Variants in ACTL8 observed in about 807,000 individuals in gnomAD.
ACTL8 encodes actin-like protein 8.
Under a neutral mutation model 9.3 loss-of-function variants are expected in ACTL8, and 3 were observed. The ratio of observed to expected loss-of-function variants is 0.32; its 90% CI spans 0.15 to 0.83. The LOEUF is 0.83. Among genes scored for constraint, ACTL8 ranks in the 40% least tolerant of loss-of-function variants. The pLI is 0.57. For synonymous variants in ACTL8, 224 were observed against 205.9 expected (o/e 1.09, Z -0.75); for missense variants, 381 against 492.2 (o/e 0.77, Z 2.14).
At position 17,823,323 on chromosome 1, in the gene ACTL8, G is replaced by A. The variant is rs377204196; in HGVS notation, c.315G>A (p.Leu105=). 6 of 1,613,704 alleles carry A rather than the reference G, an allele frequency of 3.7e-6. No homozygotes were observed. In the African/African-American group the frequency reaches 4.0e-5, roughly 11 times the overall value. Residue 105 remains leucine, a synonymous_variant, in exon 2 of 3, where the codon TTG becomes TTA. Coordinates refer to ENST00000375406, the MANE Select transcript of ACTL8 (RefSeq NM_030812.3). The surrounding 1 kb of genome is among the most constrained non-coding windows in gnomAD (Gnocchi z 5.3). The stretch of plus-strand genomic sequence containing the variant: ...CTGTGATCATCACGGAGACACCCTT[G>A]AGGGAGCCTGCGGACCGAAAGAAGA... ...VPPVIITETP[L]REPADRKKML...
chr1:17,772,338 A>G (rs1214433013), intron 1 of ACTL8, among the ~76,000 whole-genome samples: 1 of 152,086 alleles, frequency 6.6e-6, no homozygotes, highest in Non-Finnish European at 1.5e-5. Context: ...TGTAAGGCTC[A>G]CCTCACCCCA....
chr1:17,816,144 A>G (rs1460982226), intron 1 of ACTL8, among the ~76,000 whole-genome samples: 1 of 151,558 alleles, frequency 6.6e-6, no homozygotes, highest in Non-Finnish European at 1.5e-5. Context: ...AATGTACAGT[A>G]CTCTGTTACG....
At chr1:17,796,287 G>A (rs946857896) in intron 1 of ACTL8, among the ~76,000 whole-genome samples, 12 of 146,756 alleles carry the variant, frequency 8.2e-5, no homozygotes, top group Non-Finnish European at 1.8e-4. Context: ...GAGGAGGATG[G>A]CTCTGTGCAT....
At chr1:17,803,494 C>T (rs1378139195) in intron 1 of ACTL8, among the ~76,000 whole-genome samples, 2 of 152,152 alleles carry the variant, frequency 1.3e-5, no homozygotes, top group African/African-American at 4.8e-5. Flanking sequence ...CCTTGCCTGG[C>T]TAATTTTTGT....
chr1:17,822,585 C>T (rs995356238), intron 1 of ACTL8, among the ~76,000 whole-genome samples: 1 of 152,194 alleles, frequency 6.6e-6, no homozygotes, highest in African/African-American at 2.4e-5. Flanking sequence ...TCCTTGTGCC[C>T]TCTAATCAGG....
At position 17,823,210 on chromosome 1, in the gene ACTL8, G is replaced by A. The variant is rs142436980; in HGVS notation, c.202G>A (p.Glu68Lys). The change falls in exon 2 of 3, where the codon GAG becomes AAG. Residue 68 changes from glutamate (E) to lysine (K), a missense_variant. Coordinates refer to ENST00000375406, the MANE Select transcript of ACTL8 (RefSeq NM_030812.3). The surrounding 1 kb of genome is among the most constrained non-coding windows in gnomAD (Gnocchi z 5.3). ...TCCTGACACCTTTAGCTACCCCATC[G>A]AGCGGGGCCGCATCCTCAACTGGGA... ...CHPDTFSYPI[E>K]RGRILNWEGV... 2.5e-6 allele frequency: 4 copies of A among 1,614,036 alleles called. No individual in the cohort carries two copies. Among genetic ancestry groups the A allele is most frequent in the African/African-American group, 2.7e-5 (2 of 74,918 alleles).
intron 1 of ACTL8, among the ~76,000 whole-genome samples, chr1:17,781,428 G>A (rs780222438): frequency 2.6e-5 from 4 of 151,820 alleles, no homozygotes; most frequent in Admixed American, 6.6e-5. Flanking sequence ...TAGTAGAGAC[G>A]TGGTTTTGCC....
intron 1 of ACTL8, among the ~76,000 whole-genome samples, chr1:17,821,420 T>G (rs945448581): frequency 2.0e-5 from 3 of 152,338 alleles, no homozygotes; most frequent in Middle Eastern, 3.4e-3. Flanking sequence ...CTGTGATCCA[T>G]TTTAAGTTAA....
At chr1:17,801,870 T>G (rs2066325074) in intron 1 of ACTL8, among the ~76,000 whole-genome samples, 1 of 152,240 alleles carries the variant, frequency 6.6e-6, no homozygotes, top group Admixed American at 6.5e-5. Context: ...GGTGTCCATC[T>G]AGTTACCAGC....
intron 1 of ACTL8, among the ~76,000 whole-genome samples, chr1:17,776,081 G>T (rs1399068123): frequency 6.6e-6 from 1 of 152,190 alleles, no homozygotes; most frequent in Non-Finnish European, 1.5e-5. Context: ...GACAGGATTT[G>T]TCCCCCTTAG....
intron 1 of ACTL8, among the ~76,000 whole-genome samples, chr1:17,775,255 A>G (rs866159700): frequency 4.1e-4 from 62 of 152,198 alleles, no homozygotes; most frequent in Non-Finnish European, 8.5e-4. Context: ...TTTGGAGCCC[A>G]GGGGTCCAGC....
chr1:17,762,749 T>C (rs1381183353), intron 1 of ACTL8, among the ~76,000 whole-genome samples: 1 of 152,076 alleles, frequency 6.6e-6, no homozygotes, highest in Non-Finnish European at 1.5e-5. Context: ...GTGGGTGGTC[T>C]TCTCCTTGGT....
At chr1:17,768,463 T>C (rs1021741187) in intron 1 of ACTL8, among the ~76,000 whole-genome samples, 1 of 126,962 alleles carries the variant, frequency 7.9e-6, no homozygotes, top group Non-Finnish European at 1.8e-5. Context: ...GGCTGGGCAC[T>C]TGGCTGCTAC....
rs1048093758 is a variant in ACTL8, at chr1:17,767,233, G to T, written c.-25+11729G>T. Among the ~76,000 whole-genome samples, 1 of 152,132 alleles carries T rather than the reference G, an allele frequency of 6.6e-6. No individual in the cohort carries two copies. The highest frequency in any genetic ancestry group is 1.5e-5 in the Non-Finnish European group (1 of 68,030). ...GCCTGCTCTGGAAACAGTGAGGAGG[G>T]CATCAGGAGGTGAGGTCAGAACGGT... On this transcript the variant is annotated intron_variant, in intron 1 of 2. Coordinates refer to ENST00000375406, the MANE Select transcript of ACTL8 (RefSeq NM_030812.3). The surrounding 1 kb of genome is among the most constrained non-coding windows in gnomAD (Gnocchi z 4.7).
intron 1 of ACTL8, among the ~76,000 whole-genome samples, chr1:17,798,855 TAAGC>T (rs2066297811): frequency 6.6e-6 from 1 of 152,198 alleles, no homozygotes; most frequent in African/African-American, 2.4e-5. Context: ...CCGTGTAAAA[TAAGC>T]AGGCGTTTGC....
rs556093073 is a variant in ACTL8, at chr1:17,788,622, G to A, written c.-25+33118G>A. Among the ~76,000 whole-genome samples the A allele has an allele frequency of 3.3e-5, 5 of 152,372 alleles. No individual in the cohort carries two copies. The South Asian group carries it at 8.3e-4, about 25-fold the overall frequency. ...GGTGCAGAGGAGGAGGGTGGTATGA[G>A]AGAATTCCTGGAGGAAGAAACAGCA... On this transcript the variant is annotated intron_variant, in intron 1 of 2. Coordinates refer to ENST00000375406, the MANE Select transcript of ACTL8 (RefSeq NM_030812.3).
At chr1:17,803,485 C>T (rs1186489790) in intron 1 of ACTL8, among the ~76,000 whole-genome samples, 7 of 152,194 alleles carry the variant, frequency 4.6e-5, no homozygotes, top group Non-Finnish European at 1.0e-4. Context: ...TGCCTGCCAC[C>T]TTGCCTGGCT....
At chr1:17,780,007 G>A (rs2066144158) in intron 1 of ACTL8, among the ~76,000 whole-genome samples, 1 of 151,998 alleles carries the variant, frequency 6.6e-6, no homozygotes, top group East Asian at 1.9e-4. Context: ...AGGAGTTTGA[G>A]ACCAGCCTGG....
At chr1:17,755,796 C>T (rs566079668) in intron 1 of ACTL8, among the ~76,000 whole-genome samples, 1 of 152,178 alleles carries the variant, frequency 6.6e-6, no homozygotes, top group South Asian at 2.1e-4. Flanking sequence ...CTTGGGGGCC[C>T]AAGCTTAGCC....
Sources: allele counts gnomAD v4.1 joint callset (sites outside exome capture counted in the v4.1 genomes callset), GRCh38; gene constraint gnomAD v4.1.1; non-coding constraint Gnocchi (gnomAD v3.1); transcripts MANE v1.5; gene names NCBI Gene and HGNC (gene_info 2026-07-23, HGNC 2026-07-21).